Variants in USH2A observed in about 807,000 individuals in gnomAD.
The protein encoded by USH2A is Usher syndrome 2A (autosomal recessive, mild).
USH2A carries 443 observed loss-of-function variants against 538.9 expected under a neutral mutation model. The ratio of observed to expected loss-of-function variants is 0.82; its 90% CI spans 0.76 to 0.89. The LOEUF (loss-of-function observed/expected upper bound fraction) is 0.89, where lower values mean the gene tolerates loss of function less well. Ranked by LOEUF, USH2A falls within the 40% of genes least tolerant of loss-of-function variation. The pLI, the probability that USH2A is intolerant of heterozygous loss-of-function variation, is 0.00. For synonymous variants in USH2A, 2,413 were observed against 2,273.5 expected, an observed-to-expected ratio of 1.06 and a Z score of -1.75; for missense variants, 6,633 against 6,324.8, an observed-to-expected ratio of 1.05 and a Z score of -1.65.
intron 60 of USH2A, among the ~76,000 whole-genome samples, chr1:215,739,431 G>A (rs1291849634): frequency 6.6e-6 from 1 of 152,168 alleles, no homozygotes; most frequent in African/African-American, 2.4e-5. Context: ...GTAATCACGA[G>A]CTTTATTTAC....
At chr1:215,759,587 C>G in intron 57 of USH2A, 73 bp downstream of exon 57, 1 of 1,566,440 alleles carries the variant, frequency 6.4e-7, no homozygotes. Flanking sequence ...TTCAGTGGGA[C>G]ATGCATTTCT....
Position 216,420,298 on chromosome 1 carries a change from C to T in USH2A, c.485+1554G>A, listed in dbSNP as rs1052815738. Among the ~76,000 whole-genome samples, 19 of 152,078 alleles carry T rather than the reference C, an allele frequency of 1.2e-4. No homozygotes were observed. In the East Asian group the frequency reaches 2.5e-3, roughly 20 times the overall value. ...CATTTCTTAATATGTTATTGATTATCTTCCTTGCTATTTTGTTTGCTTGTA... is the reference window on the plus strand; with the variant it reads ...CATTTCTTAATATGTTATTGATTATTTTCCTTGCTATTTTGTTTGCTTGTA... On this transcript the variant is annotated intron_variant, in intron 2 of 71. Transcript: ENST00000307340.
At chr1:216,266,363 T>G (rs1047742245) in intron 11 of USH2A, among the ~76,000 whole-genome samples, 8 of 152,132 alleles carry the variant, frequency 5.3e-5, no homozygotes, top group Non-Finnish European at 1.2e-4. Flanking sequence ...AGAATATCAC[T>G]GCAGTATTCT....
intron 38 of USH2A, among the ~76,000 whole-genome samples, chr1:215,904,906 T>A (rs1396535247): frequency 2.0e-5 from 3 of 152,130 alleles, no homozygotes; most frequent in African/African-American, 7.2e-5. Flanking sequence ...GATGGTATAA[T>A]CTTTTGAATG....
At chr1:215,713,066 C>T (rs1411765695) in intron 61 of USH2A, among the ~76,000 whole-genome samples, 1 of 152,188 alleles carries the variant, frequency 6.6e-6, no homozygotes, top group Non-Finnish European at 1.5e-5. Context: ...CTCGGCTTCC[C>T]AAAGTGCTGG....
chr1:215,977,842 C>T (rs190271746), intron 35 of USH2A, among the ~76,000 whole-genome samples: 1 of 152,166 alleles, frequency 6.6e-6, no homozygotes, highest in Non-Finnish European at 1.5e-5. Context: ...AAAATATGCT[C>T]AGGCCAAGCA....
intron 41 of USH2A, among the ~76,000 whole-genome samples, chr1:215,880,813 T>C (rs2102453344): frequency 6.6e-6 from 1 of 152,354 alleles, no homozygotes; most frequent in African/African-American, 2.4e-5. Flanking sequence ...CTTTAAACCA[T>C]TAATACTTAG....
chr1:216,008,877 T>C (rs1668473915), intron 32 of USH2A, among the ~76,000 whole-genome samples: 1 of 152,124 alleles, frequency 6.6e-6, no homozygotes, highest in African/African-American at 2.4e-5. Context: ...AGTCACGGAC[T>C]GGGAAGGAGC....
Position 215,846,094 on chromosome 1 carries a change from A to T in USH2A, c.8846-61T>A, listed in dbSNP as rs1571742999. On this transcript the variant is annotated intron_variant, in intron 44 of 71. Coordinates refer to ENST00000307340, the MANE Select transcript of USH2A (RefSeq NM_206933.4). ...CTGAGGCTTTCAGGGGAAAAAAAAA[A>T]TTCTATCATTAGCTTTCTAGAATGA... 9 of 1,449,418 alleles carry T rather than the reference A, an allele frequency of 6.2e-6. No individual in the cohort carries two copies. The East Asian group carries it at 1.9e-4, about 30-fold the overall frequency. The allele number at this position is 1,449,418 out of a possible 1,614,324, so 89.8% of individuals were successfully genotyped here.
intron 41 of USH2A, among the ~76,000 whole-genome samples, chr1:215,884,655 T>G (rs190261209): frequency 1.4e-4 from 19 of 137,030 alleles, no homozygotes; most frequent in Admixed American, 1.4e-3. Flanking sequence ...TGTTTTATAC[T>G]TTTTGTCTGT....
At chr1:216,337,273 A>G (rs2037991914) in intron 4 of USH2A, among the ~76,000 whole-genome samples, 1 of 151,432 alleles carries the variant, frequency 6.6e-6, no homozygotes, top group Non-Finnish European at 1.5e-5. Context: ...TAAAAACACT[A>G]TGGAAAGATA....
intron 11 of USH2A, among the ~76,000 whole-genome samples, chr1:216,251,888 T>C (rs2036170653): frequency 6.6e-6 from 1 of 152,232 alleles, no homozygotes; most frequent in Admixed American, 6.5e-5. Flanking sequence ...ATGTTATTTG[T>C]TAATAGAATT....
chr1:216,095,520 T>C (rs376290953), intron 22 of USH2A, among the ~76,000 whole-genome samples: 38 of 152,298 alleles, frequency 2.5e-4, no homozygotes, highest in African/African-American at 8.9e-4. Context: ...GGTGTGATGC[T>C]ATTTCCTTTT....
At chr1:215,850,677 A>T (rs1663994737) in intron 44 of USH2A, among the ~76,000 whole-genome samples, 2 of 152,210 alleles carry the variant, frequency 1.3e-5, no homozygotes, top group South Asian at 4.1e-4. Flanking sequence ...CTTAGAGTAT[A>T]CCCTAGAACA....
At chr1:216,085,719 AGTGTGTGT>A (rs140742468) in intron 24 of USH2A, among the ~76,000 whole-genome samples, 137 of 143,708 alleles carry the variant, frequency 9.5e-4, no homozygotes, top group Non-Finnish European at 1.2e-3. Flanking sequence ...TGTGTACGTG[AGTGTGTGT>A]GTGTGTGTGT....
Position 215,970,641 on chromosome 1 carries a change from C to A in USH2A, c.6941G>T (p.Cys2314Phe). 1 of 1,613,642 alleles carries A rather than the reference C, an allele frequency of 6.2e-7. No individual in the cohort carries two copies. The highest frequency in any genetic ancestry group is 8.5e-7 in the Non-Finnish European group (1 of 1,179,714). The change falls in exon 36 of 72, where the codon TGT becomes TTT. Residue 2314 changes from cysteine (C) to phenylalanine (F), a missense_variant. Physicochemically the swap from Cys to Phe is radical, Grantham distance 205. Transcript: ENST00000307340. The part of the protein sequence containing the change: ...FRVQACTAKG[C>F]ALGPLVENRT... ...GATACTCACCAGTGGGCCCAGAGCA[C>A]AACCTTTGGCCGTGCATGCTTGGAC...
chr1:216,263,978 A>G (rs2036423853), intron 11 of USH2A, among the ~76,000 whole-genome samples: 1 of 152,156 alleles, frequency 6.6e-6, no homozygotes, highest in Non-Finnish European at 1.5e-5. Context: ...CAACAAGCAC[A>G]AACTAGGTAA....
chr1:216,398,823 T>G (rs1178758658), intron 3 of USH2A, among the ~76,000 whole-genome samples: 1 of 152,190 alleles, frequency 6.6e-6, no homozygotes, highest in Admixed American at 6.5e-5. Flanking sequence ...CTCCACTTGT[T>G]GAAACAGGCA....
chr1:216,398,178 T>C (rs193186632), intron 3 of USH2A, among the ~76,000 whole-genome samples: 81 of 152,336 alleles, frequency 5.3e-4, no homozygotes, highest in Middle Eastern at 6.8e-3. Flanking sequence ...ACATGACTTC[T>C]GATCCTGACA....
Sources: allele counts gnomAD v4.1 joint callset (sites outside exome capture counted in the v4.1 genomes callset), GRCh38; gene constraint gnomAD v4.1.1; transcripts MANE v1.5; gene names NCBI Gene and HGNC (gene_info 2026-07-23, HGNC 2026-07-21).